Variants in ECM2 observed in about 807,000 individuals in gnomAD.
ECM2 encodes the protein extracellular matrix protein 2, female organ and adipocyte specific.
Under a neutral mutation model 67.5 loss-of-function variants are expected in ECM2, and 57 were observed. The observed-to-expected ratio is 0.84, with a 90% CI of 0.68 to 1.05. ECM2 has a LOEUF of 1.05. Ranked by LOEUF, ECM2 falls within the 50% of genes least tolerant of loss-of-function variation. The probability of loss-of-function intolerance (pLI) is 0.00; values close to 1 mark genes in which losing one functional copy is unlikely to be tolerated. For synonymous variants in ECM2, 258 were observed against 294.5 expected, an observed-to-expected ratio of 0.88 and a Z score of 1.27; for missense variants, 741 against 822.8, an observed-to-expected ratio of 0.90 and a Z score of 1.22.
the ECM2 span, among the ~76,000 whole-genome samples, chr9:92,549,035 T>A: frequency 3.3e-5 from 5 of 152,264 alleles, no homozygotes; most frequent in African/African-American, 9.6e-5. Flanking sequence ...TTGGTAGTGA[T>A]AGAAGGATAA....
At chr9:92,517,388 G>T in intron 3 of ECM2, 1 of 550,490 alleles carries the variant, frequency 1.8e-6, no homozygotes, top group Non-Finnish European at 3.2e-6. Context: ...TAAGAATTCA[G>T]GATCTGTTGT....
chr9:92,501,000 T>C lies in ECM2; in HGVS notation c.1658A>G (p.Tyr553Cys). The C allele has an allele frequency of 1.2e-6, 2 of 1,614,160 alleles. No individual in the cohort carries two copies. The highest frequency in any genetic ancestry group is 1.7e-6 in the Non-Finnish European group (2 of 1,180,032). The change falls in exon 9 of 10, where the codon TAT becomes TGT. Residue 553 changes from tyrosine (Y) to cysteine (C), a missense_variant. By Grantham distance (194) the Tyr-to-Cys change is radical (BLOSUM62 -2). Coordinates refer to ENST00000344604, the MANE Select transcript of ECM2 (RefSeq NM_001393.4). ...TAGGTGCAGCAAGGACTTGGGTAGA[T>C]AGGACGGGACGTGATAGAGCTTGTT... is the stretch of plus-strand genomic sequence containing the variant. ...SYNKLYHVPS[Y>C]LPKSLLHLVL...
At chr9:92,494,273 G>A (rs528597147), downstream of ECM2, 14 of 839,916 alleles carry the variant, frequency 1.7e-5, no homozygotes, top group South Asian at 1.8e-4. Flanking sequence ...TACTAATTTT[G>A]TTTACAGCTT....
At chr9:92,544,214 G>T in the ECM2 span, among the ~76,000 whole-genome samples, 1 of 152,172 alleles carries the variant, frequency 6.6e-6, no homozygotes, top group Non-Finnish European at 1.5e-5. Flanking sequence ...GGTGGCTCAC[G>T]CCTATAATCC....
At chr9:92,551,891 A>G in the ECM2 span, among the ~76,000 whole-genome samples, 1 of 142,298 alleles carries the variant, frequency 7.0e-6, no homozygotes, top group African/African-American at 2.5e-5. Context: ...AAAAGGAATG[A>G]GTTAACAGCA....
the ECM2 span, among the ~76,000 whole-genome samples, chr9:92,546,847 A>G: frequency 5.3e-5 from 8 of 152,338 alleles, no homozygotes; most frequent in South Asian, 4.1e-4. Context: ...TAAATTGTCT[A>G]TAACTATTGA....
chr9:92,544,042 T>C, the ECM2 span, among the ~76,000 whole-genome samples: 2 of 152,368 alleles, frequency 1.3e-5, no homozygotes, highest in African/African-American at 4.8e-5. Context: ...TCTTATCTAA[T>C]TGCTCTGGCT....
intron 6 of ECM2, among the ~76,000 whole-genome samples, chr9:92,506,407 T>TA (rs748149862): frequency 1.3e-5 from 2 of 152,186 alleles, no homozygotes; most frequent in Non-Finnish European, 2.9e-5. Context: ...TTGTTTCTAC[T>TA]AGTCTCAGGA....
chr9:92,545,790 T>A, the ECM2 span, among the ~76,000 whole-genome samples: 1 of 152,218 alleles, frequency 6.6e-6, no homozygotes, highest in Non-Finnish European at 1.5e-5. Flanking sequence ...CAGTCAGCAC[T>A]CCGTGTCTAG....
intron 1 of ECM2, among the ~76,000 whole-genome samples, chr9:92,534,582 A>G (rs752330742): frequency 3.3e-5 from 5 of 152,208 alleles, no homozygotes; most frequent in African/African-American, 4.8e-5. Flanking sequence ...ACTTTTTGCA[A>G]TCTACTTTAG....
intron 5 of ECM2, 108 bp downstream of exon 5, chr9:92,511,903 A>C (rs1180221745): frequency 2.7e-6 from 2 of 734,382 alleles, no homozygotes; most frequent in Non-Finnish European, 4.4e-6. Context: ...TCTTAGAAGA[A>C]GACTACCAAT....
chr9:92,526,643 TA>T lies in ECM2; in HGVS notation c.-27-3751del, dbSNP rs1468518557. Among the ~76,000 whole-genome samples the T allele has an allele frequency of 4.6e-5, 7 of 150,952 alleles. No homozygotes were observed. In the East Asian group the frequency reaches 1.4e-3, roughly 29 times the overall value. ...GAAATGAAAAGTTTTCTGAAACGATTAAAAAAATCAAGAAGCCTTTAGACAA... is the reference window on the plus strand; with the variant it reads ...GAAATGAAAAGTTTTCTGAAACGATTAAAAAATCAAGAAGCCTTTAGACAA... On this transcript the variant is annotated intron_variant, in intron 1 of 9. Transcript: ENST00000344604.
At chr9:92,557,659 T>A in the ECM2 span, among the ~76,000 whole-genome samples, 1 of 152,162 alleles carries the variant, frequency 6.6e-6, no homozygotes, top group Non-Finnish European at 1.5e-5. Context: ...TTGTTTGTGT[T>A]TTGAGACAGA....
At chr9:92,521,939 G>GC (rs1199106589) in intron 2 of ECM2, among the ~76,000 whole-genome samples, 1 of 152,130 alleles carries the variant, frequency 6.6e-6, no homozygotes, top group Admixed American at 6.5e-5. Context: ...TAAAATATAT[G>GC]CATAGTAAAC....
At chr9:92,554,947 A>G in the ECM2 span, among the ~76,000 whole-genome samples, 2 of 152,030 alleles carry the variant, frequency 1.3e-5, no homozygotes, top group East Asian at 3.9e-4. Context: ...TCAGTTAGCT[A>G]GTATTTTGTT....
At chr9:92,550,121 G>A in the ECM2 span, among the ~76,000 whole-genome samples, 1 of 152,148 alleles carries the variant, frequency 6.6e-6, no homozygotes, top group African/African-American at 2.4e-5. Flanking sequence ...CATTGGGCCG[G>A]GCGTGGTGGC....
intron 2 of ECM2, among the ~76,000 whole-genome samples, chr9:92,522,064 G>A (rs1452337376): frequency 6.6e-6 from 1 of 151,656 alleles, no homozygotes; most frequent in Non-Finnish European, 1.5e-5. Flanking sequence ...GTTTTTTGGG[G>A]GTTGTTTTGT....
intron 6 of ECM2, 31 bp from the exon 7 acceptor site, chr9:92,505,721 G>A (rs1588195977): frequency 6.7e-7 from 1 of 1,503,624 alleles, no homozygotes; most frequent in Non-Finnish European, 8.9e-7. Context: ...AGAATATTAG[G>A]ATAATTGAAA....
chr9:92,505,076 A>G (rs1304655196), intron 7 of ECM2, among the ~76,000 whole-genome samples: 1 of 152,234 alleles, frequency 6.6e-6, no homozygotes, highest in Non-Finnish European at 1.5e-5. Flanking sequence ...CCTTCTTTGT[A>G]CAACACTTGT....
Sources: gnomAD v4.1 joint callset for allele counts (sites outside exome capture counted in the v4.1 genomes callset) on GRCh38, gnomAD v4.1.1 for gene constraint, MANE v1.5 for transcripts, NCBI Gene and HGNC (gene_info 2026-07-23, HGNC 2026-07-21) for gene names.